The following MVB12B variants were observed in gnomAD, a reference collection of about 807,000 sequenced individuals.
MVB12B encodes ESCRT-I complex subunit MVB12B.
Under a neutral mutation model 41.6 loss-of-function variants are expected in MVB12B, and 16 were observed. The observed-to-expected ratio is 0.38, with a 90% confidence interval of 0.26 to 0.58. The LOEUF (loss-of-function observed/expected upper bound fraction) is 0.58. Among genes scored for constraint, MVB12B ranks in the 20% least tolerant of loss-of-function variants. The probability of loss-of-function intolerance (pLI) is 0.62; values close to 1 mark genes in which losing one functional copy is unlikely to be tolerated. For synonymous variants in MVB12B, 133 were observed against 139.7 expected (o/e 0.95, Z 0.34); for missense variants, 274 against 380.2 (o/e 0.72, Z 2.32).
chr9:126,344,447 G>A (rs1286057029), intron 2 of MVB12B, among the ~76,000 whole-genome samples: 2 of 152,164 alleles, frequency 1.3e-5, no homozygotes, highest in Admixed American at 6.5e-5. Flanking sequence ...GGAGCCTTTC[G>A]CAGGAGACTG....
At chr9:126,372,322 C>G (rs188890183) in intron 2 of MVB12B, among the ~76,000 whole-genome samples, 143 of 152,316 alleles carry the variant, frequency 9.4e-4, no homozygotes, top group African/African-American at 3.3e-3. Context: ...AGAAAACATG[C>G]TGTCATGAAC....
intron 7 of MVB12B, among the ~76,000 whole-genome samples, chr9:126,461,518 G>A (rs1016021717): frequency 5.3e-5 from 8 of 152,154 alleles, no homozygotes; most frequent in Admixed American, 6.5e-5. Context: ...CTAGCCCAGC[G>A]TTTTTTAGCT....
intron 2 of MVB12B, among the ~76,000 whole-genome samples, chr9:126,350,003 T>G (rs1383025627): frequency 1.3e-5 from 2 of 152,256 alleles, no homozygotes; most frequent in African/African-American, 4.8e-5. Context: ...GCATTTGTTA[T>G]CGTCAGTATT....
chr9:126,336,647 G>C (rs1829286678), intron 1 of MVB12B, among the ~76,000 whole-genome samples: 1 of 152,158 alleles, frequency 6.6e-6, no homozygotes, highest in Non-Finnish European at 1.5e-5. Flanking sequence ...CTTTGAGCAT[G>C]GCATGGTGGA....
Position 126,453,792 on chromosome 9 carries a change from CATGACACGTGTGCATGCTCACAT to C in MVB12B, c.758-27576_758-27554del, listed in dbSNP as rs1832927394. On this transcript the variant is annotated intron_variant, in intron 7 of 9. Transcript: ENST00000361171. ...ACAGCCTCACATGCATATGTGCACA[CATGACACGTGTGCATGCTCACAT>C]GTGTGCACACATGACATATACACAG... Among the ~76,000 whole-genome samples the C allele has an allele frequency of 6.6e-5, 10 of 152,368 alleles. No homozygotes were observed. The South Asian group carries it at 2.1e-3, about 32-fold the overall frequency.
chr9:126,408,421 C>A (rs1831512820), intron 6 of MVB12B: 1 of 138,988 alleles, frequency 7.2e-6, no homozygotes, highest in African/African-American at 2.5e-5. Context: ...CCCACGCAGG[C>A]CTGATGGATC....
intron 7 of MVB12B, among the ~76,000 whole-genome samples, chr9:126,446,891 T>G (rs2119151340): frequency 6.6e-6 from 1 of 151,508 alleles, no homozygotes; most frequent in East Asian, 1.9e-4. Context: ...TTTTGCTTTA[T>G]ACTATTTAAT....
chr9:126,409,115 T>TC (rs568226203), intron 6 of MVB12B, among the ~76,000 whole-genome samples: 2 of 142,706 alleles, frequency 1.4e-5, no homozygotes, highest in Non-Finnish European at 3.0e-5. Context: ...ACTTCCATTG[T>TC]GGGGGGGGGC....
chr9:126,486,747 G>A lies in MVB12B; in HGVS notation c.873+2715G>A, dbSNP rs10987298. Among the ~76,000 whole-genome samples, 507 of 152,268 alleles carry A rather than the reference G, an allele frequency of 3.3e-3. No homozygotes were observed. The highest frequency in any genetic ancestry group is 5.0e-3 in the Non-Finnish European group (337 of 68,000). The stretch of plus-strand genomic sequence containing the variant: ...TGTCGTGGGGAGAAATGGAGACTCC[G>A]AGAGGTGGAGTAACTGGCCAAAGAC... On this transcript the variant is annotated intron_variant, in intron 9 of 9. Transcript: ENST00000361171. The surrounding 1 kb of genome is among the most constrained non-coding windows in gnomAD (Gnocchi z 4.7).
chr9:126,475,821 G>A (rs1233422356), intron 7 of MVB12B, among the ~76,000 whole-genome samples: 1 of 152,198 alleles, frequency 6.6e-6, no homozygotes, highest in Non-Finnish European at 1.5e-5. Context: ...AGAAGTTCAA[G>A]ACCAGCCTGG....
rs1554787162 is a variant in MVB12B, at chr9:126,494,873, C to CCG, written c.874-8303_874-8302insGC. Among the ~76,000 whole-genome samples, 53 of 150,754 alleles carry CCG rather than the reference C, an allele frequency of 3.5e-4. 1 individual carries two copies. The highest frequency in any genetic ancestry group is 1.3e-3 in the African/African-American group (52 of 40,950). On this transcript the variant is annotated intron_variant, in intron 9 of 9. Transcript: ENST00000361171. ...CAGTGACCAGGGAGCACCCCACCCCCCCCCAGGGTTGTTTGCAGACACCAA... is the reference window on the plus strand; with the variant it reads ...CAGTGACCAGGGAGCACCCCACCCCCCGCCCCAGGGTTGTTTGCAGACACCAA...
intron 6 of MVB12B, among the ~76,000 whole-genome samples, chr9:126,410,174 C>CACGCATGCACGCGCATGCATGCATGTGT (rs1831599562): frequency 1.4e-5 from 2 of 144,136 alleles, no homozygotes; most frequent in African/African-American, 5.4e-5. Context: ...TGTGTGTGTG[C>CACGCATGCACGCGCATGCATGCATGTGT]ACGCATGCAC....
intron 7 of MVB12B, among the ~76,000 whole-genome samples, chr9:126,461,882 C>T (rs1361016733): frequency 6.6e-6 from 1 of 152,198 alleles, no homozygotes; most frequent in African/African-American, 2.4e-5. Context: ...CCTCGCCCAC[C>T]CGCCAGCCAT....
At position 126,459,413 on chromosome 9, in the gene MVB12B, C is replaced by T. The variant is rs999990558; in HGVS notation, c.758-21956C>T. ...CCGTCTCCAAGACGCAGCTGCATCA[C>T]TGCCTGCCCCTAGCATGGTTAGTCC... is the stretch of plus-strand genomic sequence containing the variant. On this transcript the variant is annotated intron_variant, in intron 7 of 9. Transcript: ENST00000361171. The surrounding 1 kb of genome is among the most constrained non-coding windows in gnomAD (Gnocchi z 4.3). Among the ~76,000 whole-genome samples the T allele has an allele frequency of 1.3e-5, 2 of 152,246 alleles. No homozygotes were observed. The highest frequency in any genetic ancestry group is 1.3e-4 in the Admixed American group (2 of 15,294).
chr9:126,348,535 G>C (rs1035492249), intron 2 of MVB12B, among the ~76,000 whole-genome samples: 10 of 152,124 alleles, frequency 6.6e-5, no homozygotes, highest in African/African-American at 2.4e-4. Context: ...TTTTCGTTTT[G>C]ACCCAAAGTT....
At chr9:126,398,304 G>A (rs1831175117) in intron 6 of MVB12B, among the ~76,000 whole-genome samples, 1 of 151,888 alleles carries the variant, frequency 6.6e-6, no homozygotes, top group South Asian at 2.1e-4. Flanking sequence ...CACGAATTCA[G>A]TTTCACCATA....
intron 7 of MVB12B, among the ~76,000 whole-genome samples, chr9:126,460,730 G>A (rs1833071881): frequency 6.6e-6 from 1 of 152,142 alleles, no homozygotes; most frequent in Admixed American, 6.5e-5. Context: ...GCAAGTTCCA[G>A]AGTGATGGCC....
At chr9:126,454,299 TCTC>T (rs1165589618) in intron 7 of MVB12B, among the ~76,000 whole-genome samples, 2 of 152,202 alleles carry the variant, frequency 1.3e-5, no homozygotes, top group African/African-American at 4.8e-5. Context: ...TCCACTTTGT[TCTC>T]CTAAATGCTG....
intron 6 of MVB12B, among the ~76,000 whole-genome samples, chr9:126,414,670 C>T (rs762119698): frequency 1.3e-5 from 2 of 152,058 alleles, no homozygotes; most frequent in Non-Finnish European, 2.9e-5. Flanking sequence ...TCTCCTTCTC[C>T]TCAGTCTGCT....
Sources: gnomAD v4.1 joint callset for allele counts (sites outside exome capture counted in the v4.1 genomes callset) on GRCh38, gnomAD v4.1.1 for gene constraint, Gnocchi (gnomAD v3.1) non-coding constraint, MANE v1.5 for transcripts, NCBI Gene and HGNC (gene_info 2026-07-23, HGNC 2026-07-21) for gene names.